IL1RAPL1: variants seen among roughly 807,000 people sequenced by gnomAD.
IL1RAPL1 encodes interleukin-1 receptor accessory protein-like 1.
In IL1RAPL1, 3 loss-of-function variants were observed where a neutral mutation model predicts 48.4. That is an observed-to-expected ratio of 0.06 (90% CI 0.03 to 0.16). IL1RAPL1 has a LOEUF of 0.16. IL1RAPL1 is among the 10% of genes least tolerant of loss of function. The pLI, the probability that IL1RAPL1 is intolerant of heterozygous loss-of-function variation, is 1.00. For missense variants in IL1RAPL1, 349 were observed against 530.6 expected, an observed-to-expected ratio of 0.66 and a Z score of 3.36; for synonymous variants, 185 against 187.7, an observed-to-expected ratio of 0.99 and a Z score of 0.12.
At chrX:28,968,027 C>T (rs779097510) in intron 2 of IL1RAPL1, among the ~76,000 whole-genome samples, 25 of 111,417 alleles carry the variant, frequency 2.2e-4, no homozygotes, top group African/African-American at 6.2e-4. Context: ...AAGGGCAGTG[C>T]GGCCAGATGG....
At chrX:29,691,684 T>G (rs1161361596) in intron 6 of IL1RAPL1, among the ~76,000 whole-genome samples, 3 of 102,202 alleles carry the variant, frequency 2.9e-5, no homozygotes, top group African/African-American at 1.1e-4. Flanking sequence ...AAAAGCTCAC[T>G]ATAGAGCCGA....
At chrX:29,216,264 G>T (rs774672127) in intron 2 of IL1RAPL1, among the ~76,000 whole-genome samples, 1 of 110,557 alleles carries the variant, frequency 9.0e-6, no homozygotes, top group Non-Finnish European at 1.9e-5. Flanking sequence ...ATCACAATTC[G>T]CTGTAGCCTC....
chrX:29,534,337 CA>C (rs1213038845), intron 5 of IL1RAPL1, among the ~76,000 whole-genome samples: 1 of 111,357 alleles, frequency 9.0e-6, no homozygotes, highest in Non-Finnish European at 1.9e-5. Flanking sequence ...ACAATTTGAC[CA>C]AAAGGCATTA....
chrX:29,402,281 C>A (rs894314103), intron 5 of IL1RAPL1, among the ~76,000 whole-genome samples: 1 of 111,143 alleles, frequency 9.0e-6, no homozygotes, highest in Admixed American at 9.7e-5. Flanking sequence ...TTTTTATCTT[C>A]TCCTTTGTCA....
At chrX:28,873,532 T>C (rs1424968178) in intron 2 of IL1RAPL1, among the ~76,000 whole-genome samples, 2,099 of 80,166 alleles carry the variant, frequency 0.026, 71 homozygotes, top group African/African-American at 0.097. Context: ...TCTTTTTTTT[T>C]TTTTTTTTTT....
At chrX:29,951,503 G>C (rs998725371) in intron 9 of IL1RAPL1, among the ~76,000 whole-genome samples, 1 of 111,079 alleles carries the variant, frequency 9.0e-6, no homozygotes, top group African/African-American at 3.3e-5. Context: ...TTCTCCAGAA[G>C]GAGAAGGAAA....
At chrX:29,872,771 A>G (rs957698211) in intron 6 of IL1RAPL1, among the ~76,000 whole-genome samples, 1 of 112,550 alleles carries the variant, frequency 8.9e-6, no homozygotes, top group African/African-American at 3.2e-5. Flanking sequence ...GAATTAGATC[A>G]GAGTAGATTC....
At chrX:28,878,497 G>A (rs1385374710) in intron 2 of IL1RAPL1, among the ~76,000 whole-genome samples, 1 of 112,233 alleles carries the variant, frequency 8.9e-6, no homozygotes, top group Non-Finnish European at 1.9e-5. Flanking sequence ...CTGAAGGAAA[G>A]AGAGAAGCTT....
chrX:29,346,509 C>T (rs993018356), intron 3 of IL1RAPL1, among the ~76,000 whole-genome samples: 1 of 112,119 alleles, frequency 8.9e-6, no homozygotes, highest in African/African-American at 3.2e-5. Flanking sequence ...ATAAAATGTA[C>T]TTCTAGTAGC....
At chrX:29,104,149 G>A (rs759436959) in intron 2 of IL1RAPL1, among the ~76,000 whole-genome samples, 6 of 112,021 alleles carry the variant, frequency 5.4e-5, no homozygotes, top group Non-Finnish European at 9.4e-5. Flanking sequence ...GGAAATCAGT[G>A]TATTGAAGTG....
intron 1 of IL1RAPL1, among the ~76,000 whole-genome samples, chrX:28,722,284 G>A (rs1344913669): frequency 9.0e-6 from 1 of 111,151 alleles, no homozygotes; most frequent in African/African-American, 3.3e-5. Context: ...GCAGTGGTTT[G>A]TAGTTCTCCT....
At chrX:29,761,792 TGTTA>T (rs1442067372) in intron 6 of IL1RAPL1, among the ~76,000 whole-genome samples, 1 of 111,413 alleles carries the variant, frequency 9.0e-6, no homozygotes, top group Non-Finnish European at 1.9e-5. Context: ...TGTCACTGAT[TGTTA>T]GTTTTATCTA....
intron 6 of IL1RAPL1, among the ~76,000 whole-genome samples, chrX:29,730,998 A>G (rs773249261): frequency 8.9e-6 from 1 of 112,399 alleles, no homozygotes; most frequent in African/African-American, 3.2e-5. Context: ...CCTGTGATTT[A>G]TACTTATGTC....
chrX:29,219,687 A>G (rs1930938624), intron 2 of IL1RAPL1, among the ~76,000 whole-genome samples: 2 of 111,619 alleles, frequency 1.8e-5, no homozygotes. Context: ...TCTGAAATTT[A>G]ATCAGAGCAC....
intron 2 of IL1RAPL1, among the ~76,000 whole-genome samples, chrX:29,150,990 A>G (rs944579736): frequency 9.0e-6 from 1 of 110,611 alleles, no homozygotes; most frequent in Admixed American, 9.7e-5. Flanking sequence ...CCTAGATGCT[A>G]AACCTAATGA....
chrX:29,193,499 T>C (rs1176446082), intron 2 of IL1RAPL1, among the ~76,000 whole-genome samples: 1 of 111,010 alleles, frequency 9.0e-6, no homozygotes, highest in Non-Finnish European at 1.9e-5. Context: ...TAGGAAAAAA[T>C]GTACCCTATT....
At chrX:29,747,894 G>T (rs764742588) in intron 6 of IL1RAPL1, among the ~76,000 whole-genome samples, 1 of 111,862 alleles carries the variant, frequency 8.9e-6, no homozygotes, top group African/African-American at 3.2e-5. Context: ...AACAAATCAG[G>T]CCATTTCAAC....
chrX:29,368,489 C>T (rs1933496509), intron 3 of IL1RAPL1, among the ~76,000 whole-genome samples: 1 of 112,077 alleles, frequency 8.9e-6, no homozygotes, highest in South Asian at 3.7e-4. Context: ...TCAAGCAATC[C>T]TCCCACCTAA....
chrX:29,615,504 C>T (rs756092664), intron 5 of IL1RAPL1, among the ~76,000 whole-genome samples: 2 of 110,921 alleles, frequency 1.8e-5, no homozygotes, highest in South Asian at 3.8e-4. Context: ...TTTGCAGCAG[C>T]AACAGCACAC....
Sources: gnomAD v4.1 joint callset for allele counts (sites outside exome capture counted in the v4.1 genomes callset) on GRCh38, gnomAD v4.1.1 for gene constraint, MANE v1.5 for transcripts, NCBI Gene and HGNC (gene_info 2026-07-23, HGNC 2026-07-21) for gene names.